Variants in CSMD3 observed in about 807,000 individuals in gnomAD.
CSMD3 encodes CUB and Sushi multiple domains 3, also known as CUB and sushi domain-containing protein 3.
Under a neutral mutation model 435.2 loss-of-function variants are expected in CSMD3, and 177 were observed. That is an observed-to-expected ratio of 0.41 (90% CI 0.36 to 0.46). CSMD3 has a LOEUF of 0.46. Among genes scored for constraint, CSMD3 ranks in the 20% least tolerant of loss-of-function variants. CSMD3 has a pLI of 0.34. For missense variants in CSMD3, 4,265 were observed against 4,504.6 expected (o/e 0.95, Z 1.52); for synonymous variants, 1,656 against 1,520.5 (o/e 1.09, Z -2.07).
At chr8:112,491,523 A>C (rs1372724090) in intron 31 of CSMD3, among the ~76,000 whole-genome samples, 2 of 151,920 alleles carry the variant, frequency 1.3e-5, no homozygotes, top group Non-Finnish European at 2.9e-5. Context: ...GGTGGTGTGC[A>C]CCTGTAATCC....
chr8:113,166,855 T>C (rs992187619), intron 4 of CSMD3, among the ~76,000 whole-genome samples: 1 of 152,156 alleles, frequency 6.6e-6, no homozygotes, highest in African/African-American at 2.4e-5. Flanking sequence ...CTTAGTATGT[T>C]TGTCCTCTTT....
chr8:112,589,378 T>C (rs1354074663), intron 22 of CSMD3, among the ~76,000 whole-genome samples: 1 of 152,162 alleles, frequency 6.6e-6, no homozygotes, highest in African/African-American at 2.4e-5. Context: ...GAGATGTGAA[T>C]AAAGAAAATT....
intron 65 of CSMD3, among the ~76,000 whole-genome samples, chr8:112,244,127 C>G (rs1166967656): frequency 2.6e-5 from 4 of 151,828 alleles, no homozygotes; most frequent in Non-Finnish European, 5.9e-5. Context: ...TTATAAAAGC[C>G]CTAGAAAAAT....
At chr8:112,769,178 T>C (rs1225546555) in intron 13 of CSMD3, among the ~76,000 whole-genome samples, 2 of 152,138 alleles carry the variant, frequency 1.3e-5, no homozygotes, top group Non-Finnish European at 2.9e-5. Context: ...CTCTCTGTTT[T>C]TGTGCTTGCC....
At chr8:113,233,867 AGACTTCT>A (rs1199657251) in intron 3 of CSMD3, among the ~76,000 whole-genome samples, 49 of 152,236 alleles carry the variant, frequency 3.2e-4, no homozygotes, top group African/African-American at 1.2e-3. Flanking sequence ...AGAAGACTCC[AGACTTCT>A]GAGTTAGATA....
At chr8:112,727,570 T>C (rs2076992156) in intron 13 of CSMD3, among the ~76,000 whole-genome samples, 1 of 151,786 alleles carries the variant, frequency 6.6e-6, no homozygotes, top group Non-Finnish European at 1.5e-5. Flanking sequence ...TTTCTCAGTT[T>C]GCAAATTGGC....
chr8:112,277,720 A>G (rs1441861780), intron 59 of CSMD3, among the ~76,000 whole-genome samples: 2 of 152,156 alleles, frequency 1.3e-5, no homozygotes, highest in Non-Finnish European at 2.9e-5. Flanking sequence ...CACAGTTCCA[A>G]GTGGCTGGGG....
chr8:112,660,752 C>A (rs754851103), intron 17 of CSMD3, among the ~76,000 whole-genome samples: 2 of 152,058 alleles, frequency 1.3e-5, no homozygotes, highest in Non-Finnish European at 2.9e-5. Context: ...TATAAATGTG[C>A]TCTGTTTATT....
chr8:112,689,789 T>C lies in CSMD3; in HGVS notation c.2155+79A>G, dbSNP rs1212974975. ...AAAATAATTACACGGTTGCAGCTCTTTGCAATTAATTACAAAAGCAATTAT... is the reference window on the plus strand; with the variant it reads ...AAAATAATTACACGGTTGCAGCTCTCTGCAATTAATTACAAAAGCAATTAT... On this transcript the variant is annotated intron_variant, in intron 14 of 70. Transcript: ENST00000297405. The C allele has an allele frequency of 3.2e-6, 4 of 1,263,510 alleles. No homozygotes were observed. The African/African-American group carries it at 4.4e-5, about 14-fold the overall frequency. The allele number at this position is 1,263,510 out of a possible 1,614,324, so 78.3% of individuals were successfully genotyped here. A position where few individuals can be genotyped will look rare whatever the true frequency, so the allele number is the denominator to read the frequency against.
intron 6 of CSMD3, among the ~76,000 whole-genome samples, chr8:113,015,218 T>C (rs1333009435): frequency 1.3e-5 from 2 of 152,108 alleles, no homozygotes; most frequent in African/African-American, 4.8e-5. Flanking sequence ...GCATTTTCGA[T>C]ATGGTTTGAA....
At chr8:112,798,415 G>T (rs1013120605) in intron 13 of CSMD3, among the ~76,000 whole-genome samples, 1 of 151,870 alleles carries the variant, frequency 6.6e-6, no homozygotes, top group Non-Finnish European at 1.5e-5. Context: ...GATGCTGGAA[G>T]ATTATCATTA....
intron 17 of CSMD3, among the ~76,000 whole-genome samples, chr8:112,661,323 AT>A (rs1213342595): frequency 6.6e-6 from 1 of 152,194 alleles, no homozygotes; most frequent in Non-Finnish European, 1.5e-5. Context: ...AAGTGAATTC[AT>A]TTGGAGAATT....
chr8:113,377,248 A>C, intron 1 of CSMD3: 1 of 521,632 alleles, frequency 1.9e-6, no homozygotes, highest in Non-Finnish European at 2.7e-6. Context: ...ACAAAAACAA[A>C]CCGTGGAGCC....
chr8:112,244,323 T>C, intron 65 of CSMD3, 71 bp downstream of exon 65: 1 of 1,338,866 alleles, frequency 7.5e-7, no homozygotes, highest in Non-Finnish European at 1.1e-6. Context: ...TTGAGTTGAG[T>C]TTTTGTCTGG....
intron 10 of CSMD3, among the ~76,000 whole-genome samples, chr8:112,885,499 G>T (rs570084706): frequency 9.9e-5 from 15 of 151,676 alleles, no homozygotes; most frequent in Admixed American, 9.9e-4. Flanking sequence ...TGAAAAAGTT[G>T]TCAAGCTCTT....
At chr8:112,639,380 C>T (rs1267414627) in intron 20 of CSMD3, among the ~76,000 whole-genome samples, 1 of 152,106 alleles carries the variant, frequency 6.6e-6, no homozygotes, top group East Asian at 1.9e-4. Flanking sequence ...ATAGGGAATG[C>T]TATCTGTTAG....
At chr8:113,199,805 G>T (rs2092698629) in intron 3 of CSMD3, among the ~76,000 whole-genome samples, 1 of 151,692 alleles carries the variant, frequency 6.6e-6, no homozygotes, top group South Asian at 2.1e-4. Flanking sequence ...AAGTTCTTGG[G>T]AAATGGAATA....
In CSMD3 at chr8:113,436,685, C is replaced by A. The variant is rs192795634; in HGVS notation, c.170G>T (p.Cys57Phe). ...WNLVFLLTVS[C>F]VKGFIYTCGG... The stretch of plus-strand genomic sequence containing the variant: ...CCCCAAAGCAGACCTACCTTTCACA[C>A]AAGACACCGTCAATAAAAAGACGAG... Residue 57 changes from cysteine to phenylalanine, a missense_variant, in exon 1 of 71, where the codon TGT (cysteine) becomes TTT (phenylalanine). By Grantham distance (205) the Cys-to-Phe change is radical. Around this residue, in one of 3 missense-constraint regions of CSMD3, gnomAD observed 731 missense variants for 755.4 expected, o/e 0.97. Transcript: ENST00000297405. 1.2e-6 allele frequency: 2 copies of A among 1,614,164 alleles called. No homozygotes were observed. The highest frequency in any genetic ancestry group is 4.5e-5 in the East Asian group (2 of 44,870).
chr8:113,198,261 C>T (rs562547554), intron 3 of CSMD3, among the ~76,000 whole-genome samples: 5 of 151,380 alleles, frequency 3.3e-5, no homozygotes, highest in South Asian at 4.2e-4. Flanking sequence ...AACTTCCACA[C>T]GTGGATTACT....
Sources: gnomAD v4.1 joint callset for allele counts (sites outside exome capture counted in the v4.1 genomes callset) on GRCh38, gnomAD v4.1.1 for gene constraint, gnomAD v4.1.1 regional missense constraint, MANE v1.5 for transcripts, NCBI Gene and HGNC (gene_info 2026-07-23, HGNC 2026-07-21) for gene names.